The following JMJD1C variants were observed in gnomAD, a reference collection of about 807,000 sequenced individuals.
JMJD1C encodes the protein jumonji domain containing 1C.
JMJD1C carries 31 observed loss-of-function variants against 245.3 expected under a neutral mutation model. The observed-to-expected ratio is 0.13, with a 90% CI of 0.09 to 0.17. The LOEUF (loss-of-function observed/expected upper bound fraction) is 0.17. JMJD1C is among the 10% of genes least tolerant of loss of function. The probability of loss-of-function intolerance (pLI) is 1.00; values close to 1 mark genes in which losing one functional copy is unlikely to be tolerated. For missense variants in JMJD1C, 2,691 were observed against 3,000.2 expected, an observed-to-expected ratio of 0.90 and a Z score of 2.41; for synonymous variants, 1,057 against 1,017.4, an observed-to-expected ratio of 1.04 and a Z score of -0.74.
intron 3 of JMJD1C, among the ~76,000 whole-genome samples, chr10:63,248,522 A>ATAGC (rs1852573383): frequency 3.8e-5 from 2 of 53,156 alleles, no homozygotes; most frequent in Non-Finnish European, 9.7e-5. Flanking sequence ...CCTCATCTCA[A>ATAGC]TAGATAGATA....
At chr10:63,367,867 T>C (rs117215816) in intron 2 of JMJD1C, among the ~76,000 whole-genome samples, 2,026 of 152,264 alleles carry the variant, frequency 0.013, 30 homozygotes, top group African/African-American at 0.034. Context: ...AAAATAAGAA[T>C]GTCTGAATGT....
Position 63,240,686 on chromosome 10 carries a change from G to T in JMJD1C, c.448-20703C>A, listed in dbSNP as rs186064273. Among the ~76,000 whole-genome samples the T allele has an allele frequency of 5.9e-5, 9 of 152,218 alleles. No homozygotes were observed. The East Asian group carries it at 1.5e-3, about 26-fold the overall frequency. On this transcript the variant is annotated intron_variant, in intron 3 of 25. Transcript: ENST00000399262. ...AACTTTTAGTTTTTTATATTAGAGG[G>T]TTGAGTTTATATAATGAAAAGAAAA... is the stretch of plus-strand genomic sequence containing the variant.
intron 2 of JMJD1C, among the ~76,000 whole-genome samples, chr10:63,312,115 T>TTGTG (rs903815591): frequency 1.5e-5 from 2 of 132,570 alleles, no homozygotes; most frequent in African/African-American, 2.8e-5. Flanking sequence ...TTTTTTTTTT[T>TTGTG]TGTGTGTGTG....
intron 2 of JMJD1C, among the ~76,000 whole-genome samples, chr10:63,338,391 C>G (rs181684991): frequency 6.6e-6 from 1 of 152,296 alleles, no homozygotes; most frequent in Non-Finnish European, 1.5e-5. Context: ...ATCTCAGCCT[C>G]CCAAAGTACT....
At chr10:63,320,339 A>T (rs1471118640) in intron 2 of JMJD1C, among the ~76,000 whole-genome samples, 1 of 152,008 alleles carries the variant, frequency 6.6e-6, no homozygotes, top group Non-Finnish European at 1.5e-5. Flanking sequence ...CTAATCTAGT[A>T]TTTCTACTAC....
chr10:63,184,850 G>A, intron 20 of JMJD1C, 112 bp from the exon 21 acceptor site: 1 of 987,014 alleles, frequency 1.0e-6, no homozygotes, highest in Non-Finnish European at 1.5e-6. Flanking sequence ...CCATAAGACA[G>A]GTAACAATTT....
intron 2 of JMJD1C, among the ~76,000 whole-genome samples, chr10:63,324,159 C>T (rs1364727353): frequency 6.6e-6 from 1 of 151,732 alleles, no homozygotes; most frequent in Non-Finnish European, 1.5e-5. Context: ...TCGGAAACAC[C>T]CTCACAGACA....
chr10:63,456,703 C>T (rs1309228895), intron 1 of JMJD1C, among the ~76,000 whole-genome samples: 20 of 152,136 alleles, frequency 1.3e-4, no homozygotes, highest in Non-Finnish European at 1.5e-4. Context: ...TTAACATTTT[C>T]TGGCATGTTA....
chr10:63,317,369 G>C (rs1052547409), intron 2 of JMJD1C, among the ~76,000 whole-genome samples: 2 of 152,140 alleles, frequency 1.3e-5, no homozygotes, highest in Non-Finnish European at 2.9e-5. Flanking sequence ...GCTTGGCACA[G>C]TGGCGTGTGC....
At chr10:63,468,385 T>A (rs1953384582), upstream of JMJD1C, among the ~76,000 whole-genome samples, 3 of 152,162 alleles carry the variant, frequency 2.0e-5, no homozygotes, top group Admixed American at 2.0e-4. Flanking sequence ...TTTGCTTCGT[T>A]TTGTATTAAG....
intron 2 of JMJD1C, among the ~76,000 whole-genome samples, chr10:63,347,446 A>G (rs910178727): frequency 2.0e-5 from 3 of 151,104 alleles, no homozygotes; most frequent in African/African-American, 7.3e-5. Context: ...TTAGCCAGGC[A>G]TGGTGGCGCA....
At chr10:63,257,481 G>A (rs1458255693) in intron 3 of JMJD1C, among the ~76,000 whole-genome samples, 1 of 152,120 alleles carries the variant, frequency 6.6e-6, no homozygotes, top group Admixed American at 6.5e-5. Context: ...CCTTTAACAA[G>A]TTCACAGAGC....
At chr10:63,252,099 T>C (rs1853172004) in intron 3 of JMJD1C, among the ~76,000 whole-genome samples, 1 of 152,186 alleles carries the variant, frequency 6.6e-6, no homozygotes, top group Admixed American at 6.5e-5. Flanking sequence ...TGAAAGGGGA[T>C]GGGAAATGGC....
At position 63,208,318 on chromosome 10, in the gene JMJD1C, A is replaced by G; in HGVS notation, c.3351T>C (p.Ile1117=). 6.2e-7 allele frequency: 1 copy of G among 1,614,070 alleles called. No individual in the cohort carries two copies. Among genetic ancestry groups the G allele is most frequent in the Non-Finnish European group, 8.5e-7 (1 of 1,179,986 alleles). ...RSYPSKEVSN[I]YGDKQSNALA... ...GGGCATTACTCTGTTTATCACCGTAAATATTTGAAACTTCTTTGGATGGGT... is the reference window on the plus strand; with the variant it reads ...GGGCATTACTCTGTTTATCACCGTAGATATTTGAAACTTCTTTGGATGGGT... Residue 1117 remains isoleucine (I), a synonymous_variant, in exon 10 of 26, where the codon ATT becomes ATC. Transcript: ENST00000399262.
intron 1 of JMJD1C, among the ~76,000 whole-genome samples, chr10:63,382,069 G>T (rs1031512911): frequency 6.6e-6 from 1 of 151,986 alleles, no homozygotes; most frequent in Admixed American, 6.6e-5. Context: ...AAATTAGCTG[G>T]GTGTGGTGGC....
intron 2 of JMJD1C, among the ~76,000 whole-genome samples, chr10:63,370,519 C>T (rs1946226349): frequency 6.6e-6 from 1 of 152,158 alleles, no homozygotes; most frequent in African/African-American, 2.4e-5. Context: ...AGAAATATGC[C>T]ACAAAGTCTA....
chr10:63,382,240 T>G (rs1467175293), intron 1 of JMJD1C, among the ~76,000 whole-genome samples: 1 of 152,074 alleles, frequency 6.6e-6, no homozygotes, highest in South Asian at 2.1e-4. Flanking sequence ...AAATAGTAAA[T>G]ACTTCATATT....
chr10:63,255,866 G>A (rs1000678023), intron 3 of JMJD1C, among the ~76,000 whole-genome samples: 6 of 151,988 alleles, frequency 3.9e-5, no homozygotes, highest in African/African-American at 1.2e-4. Flanking sequence ...CTATTATACT[G>A]AGGAATAAAA....
At chr10:63,182,067 C>T (rs1843558001) in intron 22 of JMJD1C, among the ~76,000 whole-genome samples, 1 of 152,116 alleles carries the variant, frequency 6.6e-6, no homozygotes, top group Admixed American at 6.6e-5. Flanking sequence ...GTCAAATGTA[C>T]ACAAAAGTAG....
Sources: allele counts gnomAD v4.1 joint callset (sites outside exome capture counted in the v4.1 genomes callset), GRCh38; gene constraint gnomAD v4.1.1; transcripts MANE v1.5; gene names NCBI Gene and HGNC (gene_info 2026-07-23, HGNC 2026-07-21).